Variants in NUDT21 observed in about 807,000 individuals in gnomAD.
NUDT21 encodes the protein cleavage and polyadenylation specificity factor subunit 5.
Under a neutral mutation model 29.8 loss-of-function variants are expected in NUDT21, and 5 were observed. That is an observed-to-expected ratio of 0.17 (90% CI 0.09 to 0.35). The LOEUF is 0.35. NUDT21 is among the 10% of genes least tolerant of loss of function. NUDT21 has a pLI of 1.00. For missense variants in NUDT21, 76 were observed against 276.0 expected (o/e 0.28, Z 5.13); for synonymous variants, 113 against 98.5 (o/e 1.15, Z -0.87).
intron 4 of NUDT21, among the ~76,000 whole-genome samples, chr16:56,435,705 AAC>A (rs1287236152): frequency 1.6e-5 from 2 of 128,114 alleles, no homozygotes; most frequent in Non-Finnish European, 3.3e-5. Flanking sequence ...CAGCCTGGGC[AAC>A]AGAGTGAGAC....
intron 3 of NUDT21, among the ~76,000 whole-genome samples, chr16:56,442,835 A>G (rs1962174714): frequency 1.3e-5 from 2 of 151,774 alleles, no homozygotes; most frequent in Admixed American, 1.3e-4. Context: ...TTTTCATTCT[A>G]TTTTCTGGTA....
intron 4 of NUDT21, among the ~76,000 whole-genome samples, chr16:56,438,392 C>G (rs1296866759): frequency 6.6e-6 from 1 of 152,186 alleles, no homozygotes; most frequent in Non-Finnish European, 1.5e-5. Context: ...TGAAGCAAAG[C>G]TTTAGTCTAA....
intron 4 of NUDT21, among the ~76,000 whole-genome samples, chr16:56,438,456 T>C (rs1373556855): frequency 2.0e-5 from 3 of 152,164 alleles, no homozygotes; most frequent in African/African-American, 7.2e-5. Context: ...AAGCTCGGGA[T>C]CAGATACTTT....
Position 56,435,364 on chromosome 16 carries a change from C to G in NUDT21, c.472-535G>C, listed in dbSNP as rs927430609. Among the ~76,000 whole-genome samples, 4 of 151,996 alleles carry G rather than the reference C, an allele frequency of 2.6e-5. 1 individual carries two copies. Among genetic ancestry groups the G allele is most frequent in the Admixed American group, 1.3e-4 (2 of 15,282 alleles). On this transcript the variant is annotated intron_variant, in intron 4 of 6. Transcript: ENST00000300291. ...CCCGACCTCAGGTGATCCACCTGCT[C>G]TGGCCTCCCAAAGTGCTGGGATTAC...
At chr16:56,449,275 T>G (rs955443563) in intron 1 of NUDT21, 1 of 152,236 alleles carries the variant, frequency 6.6e-6, no homozygotes, top group African/African-American at 2.4e-5. Flanking sequence ...AATTTTCACC[T>G]GTGAAATCAG....
intron 5 of NUDT21, 134 bp from the exon 6 acceptor site, chr16:56,434,579 G>A (rs540984974): frequency 4.3e-5 from 33 of 767,774 alleles, no homozygotes; most frequent in African/African-American, 4.1e-4. Flanking sequence ...TTTTGGTTGT[G>A]TCTTTCAAGG....
At chr16:56,446,449 T>C in intron 3 of NUDT21, 177 bp downstream of exon 3, 3 of 515,146 alleles carry the variant, frequency 5.8e-6, no homozygotes, top group South Asian at 3.0e-5. Flanking sequence ...ATTTTAAAAA[T>C]TGAAATAAGT....
chr16:56,447,296 T>G (rs1962230159), intron 2 of NUDT21, among the ~76,000 whole-genome samples: 1 of 152,178 alleles, frequency 6.6e-6, no homozygotes, highest in Non-Finnish European at 1.5e-5. Context: ...GCCTAAAGAA[T>G]GGGAAACTTT....
chr16:56,432,610 A>T lies in NUDT21; in HGVS notation c.*102T>A. 1.1e-6 allele frequency: 1 copy of T among 884,740 alleles called. No individual in the cohort carries two copies. The highest frequency in any genetic ancestry group is 1.7e-6 in the Non-Finnish European group (1 of 588,032). 54.8% of individuals were successfully genotyped at this position (884,740 alleles called of 1,614,324 possible). A position where few individuals can be genotyped will look rare whatever the true frequency, so the allele number is the denominator to read the frequency against. On this transcript the variant is annotated 3_prime_UTR_variant, in exon 7 of 7. Coordinates refer to ENST00000300291, the MANE Select transcript of NUDT21 (RefSeq NM_007006.3). ...GGTGGCAATTTAGGGATCGCAAAAG[A>T]GATAAAACCAAAAAAACTTTTCTAC...
At chr16:56,449,772 AT>A (rs551398156) in intron 1 of NUDT21, among the ~76,000 whole-genome samples, 1 of 152,016 alleles carries the variant, frequency 6.6e-6, no homozygotes, top group Non-Finnish European at 1.5e-5. Context: ...CATTTGATGG[AT>A]TTTTTCTTAA....
At chr16:56,438,697 A>C (rs1358411389) in intron 4 of NUDT21, among the ~76,000 whole-genome samples, 1 of 152,174 alleles carries the variant, frequency 6.6e-6, no homozygotes, top group African/African-American at 2.4e-5. Context: ...ATCAATTTGC[A>C]AGACACACAG....
At chr16:56,435,743 T>TTATA (rs777245596) in intron 4 of NUDT21, among the ~76,000 whole-genome samples, 2,654 of 26,882 alleles carry the variant, frequency 0.099, 456 homozygotes, top group Non-Finnish European at 0.12. Context: ...AAAAAAAAAA[T>TTATA]TATATATATA....
rs750478065 is a variant in NUDT21 at position 56,451,205 on chromosome 16, TGGCGAGCTCCGGCGCTGAC to T, written c.-22_-4del. 1 of 1,591,876 alleles carries T rather than the reference TGGCGAGCTCCGGCGCTGAC, an allele frequency of 6.3e-7. No homozygotes were observed. The highest frequency in any genetic ancestry group is 1.7e-4 in the Middle Eastern group (1 of 5,898). ...CGATTGGGCGGTACCACAGACATGCTGGCGAGCTCCGGCGCTGACGGCGAGCAGAAAGTGGCAGGCAGGG... is the reference window on the plus strand; with the variant it reads ...CGATTGGGCGGTACCACAGACATGCTGGCGAGCAGAAAGTGGCAGGCAGGG... On this transcript the variant is annotated 5_prime_UTR_variant, in exon 1 of 7. Transcript: ENST00000300291.
chr16:56,441,146 G>T (rs1962155251), intron 3 of NUDT21, among the ~76,000 whole-genome samples: 1 of 152,084 alleles, frequency 6.6e-6, no homozygotes, highest in African/African-American at 2.4e-5. Context: ...CAATCTTCCG[G>T]CCTCAGCCCC....
intron 3 of NUDT21, among the ~76,000 whole-genome samples, chr16:56,440,738 CA>C (rs1165395927): frequency 2.7e-5 from 4 of 150,576 alleles, no homozygotes; most frequent in Non-Finnish European, 5.9e-5. Flanking sequence ...TCATATTTTT[CA>C]AAAAAAAAAT....
chr16:56,440,543 A>C (rs1201651298), intron 3 of NUDT21, among the ~76,000 whole-genome samples: 4 of 152,016 alleles, frequency 2.6e-5, no homozygotes, highest in Non-Finnish European at 5.9e-5. Flanking sequence ...GATAGCTTTG[A>C]GGAATACTGG....
At chr16:56,448,838 G>A (rs558778229) in intron 1 of NUDT21, among the ~76,000 whole-genome samples, 2 of 152,064 alleles carry the variant, frequency 1.3e-5, no homozygotes, top group African/African-American at 4.8e-5. Flanking sequence ...GCCCATCCAA[G>A]GTATCTATTC....
chr16:56,434,191 G>T (rs984493431), intron 6 of NUDT21, 140 bp downstream of exon 6: 7 of 639,392 alleles, frequency 1.1e-5, no homozygotes. Flanking sequence ...TCTATGGCTT[G>T]CACATGATCT....
At chr16:56,442,439 C>T (rs1382867366) in intron 3 of NUDT21, among the ~76,000 whole-genome samples, 1 of 152,216 alleles carries the variant, frequency 6.6e-6, no homozygotes, top group Non-Finnish European at 1.5e-5. Context: ...GACAACACTC[C>T]ACCATCCCTT....
Sources: gnomAD v4.1 joint callset for allele counts (sites outside exome capture counted in the v4.1 genomes callset) on GRCh38, gnomAD v4.1.1 for gene constraint, MANE v1.5 for transcripts, NCBI Gene and HGNC (gene_info 2026-07-23, HGNC 2026-07-21) for gene names.